The following CSMD1 variants were observed in gnomAD, a reference collection of about 807,000 sequenced individuals.
CSMD1 encodes the protein CUB and sushi domain-containing protein 1.
CSMD1 carries 213 observed loss-of-function variants against 417.5 expected under a neutral mutation model. The ratio of observed to expected loss-of-function variants is 0.51; its 90% CI spans 0.46 to 0.57. The LOEUF (loss-of-function observed/expected upper bound fraction) is 0.57. CSMD1 is among the 20% of genes least tolerant of loss of function. The pLI, the probability that CSMD1 is intolerant of heterozygous loss-of-function variation, is 0.00. For missense variants in CSMD1, 6,923 were observed against 4,529.7 expected, an observed-to-expected ratio of 1.53 and a Z score of -15.17; for synonymous variants, 2,862 against 1,736.8, an observed-to-expected ratio of 1.65 and a Z score of -16.11.
Position 4,072,445 on chromosome 8 carries a change from G to A in CSMD1, c.416-40346C>T, listed in dbSNP as rs142793468. On this transcript the variant is annotated intron_variant, in intron 3 of 69. Transcript: ENST00000635120. The stretch of plus-strand genomic sequence containing the variant: ...ATATTATTTCAATTCTTATTTCTCT[G>A]GGAGATAGACTTTATTATTTCGCAC... 6.6e-3 allele frequency among the ~76,000 whole-genome samples: 998 copies of A among 152,118 alleles called. 7 individuals are homozygous for A. Among genetic ancestry groups the A allele is most frequent in the Non-Finnish European group, 0.011 (773 of 68,004 alleles).
chr8:4,115,493 C>A (rs1802086547), intron 3 of CSMD1, among the ~76,000 whole-genome samples: 1 of 152,010 alleles, frequency 6.6e-6, no homozygotes, highest in Admixed American at 6.6e-5. Context: ...TATTTTTTTA[C>A]AACTAAAAAT....
intron 1 of CSMD1, among the ~76,000 whole-genome samples, chr8:4,725,270 G>A (rs1236945075): frequency 6.6e-6 from 1 of 152,150 alleles, no homozygotes; most frequent in Non-Finnish European, 1.5e-5. Flanking sequence ...ATTGGTACAT[G>A]AATGACCAAG....
At chr8:3,684,389 CAT>C (rs1287128424) in intron 7 of CSMD1, among the ~76,000 whole-genome samples, 4 of 146,832 alleles carry the variant, frequency 2.7e-5, no homozygotes, top group South Asian at 2.1e-4. Flanking sequence ...AAATGTATAA[CAT>C]ATAAGTACAT....
chr8:4,630,816 T>C (rs1223165678), intron 2 of CSMD1, among the ~76,000 whole-genome samples: 1 of 152,140 alleles, frequency 6.6e-6, no homozygotes, highest in Non-Finnish European at 1.5e-5. Context: ...GTCACCTCTG[T>C]GTGACAAGCT....
chr8:4,726,589 G>C (rs1364280943), intron 1 of CSMD1, among the ~76,000 whole-genome samples: 1 of 152,042 alleles, frequency 6.6e-6, no homozygotes, highest in African/African-American at 2.4e-5. Context: ...AGACGTCTAG[G>C]GCCTCCCATC....
chr8:3,389,838 T>A (rs1472733933), intron 17 of CSMD1, among the ~76,000 whole-genome samples: 1 of 152,198 alleles, frequency 6.6e-6, no homozygotes, highest in African/African-American at 2.4e-5. Context: ...AGTTCCAATA[T>A]TATGCCATAA....
chr8:4,158,274 G>A (rs931501013), intron 3 of CSMD1, among the ~76,000 whole-genome samples: 10 of 152,072 alleles, frequency 6.6e-5, no homozygotes, highest in Non-Finnish European at 1.2e-4. Flanking sequence ...ACATCGGGAA[G>A]ACTAAACAAC....
intron 7 of CSMD1, among the ~76,000 whole-genome samples, chr8:3,688,205 T>C (rs975687720): frequency 1.3e-5 from 2 of 152,226 alleles, no homozygotes; most frequent in South Asian, 2.1e-4. Flanking sequence ...TGAATACTTG[T>C]TGCATGCGTA....
chr8:3,559,607 A>T (rs1021410914), intron 10 of CSMD1, among the ~76,000 whole-genome samples: 8 of 152,192 alleles, frequency 5.3e-5, no homozygotes, highest in Non-Finnish European at 1.0e-4. Context: ...ATAAGTACCC[A>T]CAATTACAAT....
chr8:4,244,128 C>T (rs766746123), intron 3 of CSMD1, among the ~76,000 whole-genome samples: 7 of 152,124 alleles, frequency 4.6e-5, no homozygotes, highest in Non-Finnish European at 8.8e-5. Flanking sequence ...GGATGAGTTT[C>T]GCGCAGCACA....
chr8:3,287,795 T>G (rs1803269847), intron 25 of CSMD1, among the ~76,000 whole-genome samples: 1 of 151,948 alleles, frequency 6.6e-6, no homozygotes, highest in Non-Finnish European at 1.5e-5. Flanking sequence ...ACTCTTTATT[T>G]CCTCCAGCTG....
chr8:4,100,048 A>T (rs188838495), intron 3 of CSMD1, among the ~76,000 whole-genome samples: 69 of 152,284 alleles, frequency 4.5e-4, no homozygotes, highest in African/African-American at 1.6e-3. Context: ...TAATAACGTG[A>T]GCATGCACTT....
chr8:3,247,307 T>G (rs35047073), intron 26 of CSMD1, among the ~76,000 whole-genome samples: 25,928 of 152,162 alleles, frequency 0.17, 2,526 homozygotes, highest in Non-Finnish European at 0.21. Flanking sequence ...GCTGAAATTC[T>G]GCTACCTGGA....
intron 1 of CSMD1, among the ~76,000 whole-genome samples, chr8:4,657,162 A>T (rs550402844): frequency 2.8e-4 from 43 of 152,314 alleles, no homozygotes; most frequent in Middle Eastern, 3.4e-3. Flanking sequence ...AAACTCACAC[A>T]TATGCCCAGG....
At chr8:3,935,318 A>G (rs755244939) in intron 5 of CSMD1, among the ~76,000 whole-genome samples, 16 of 152,198 alleles carry the variant, frequency 1.1e-4, no homozygotes, top group African/African-American at 1.7e-4. Context: ...TGAAACACTT[A>G]TATATATTAG....
chr8:4,390,734 C>G (rs533775251), intron 3 of CSMD1, among the ~76,000 whole-genome samples: 3 of 151,696 alleles, frequency 2.0e-5, no homozygotes, highest in Non-Finnish European at 4.4e-5. Context: ...AGGATGGTCT[C>G]GATCTTCTGA....
chr8:4,739,500 A>T (rs187052981), intron 1 of CSMD1, among the ~76,000 whole-genome samples: 1 of 152,250 alleles, frequency 6.6e-6, no homozygotes, highest in East Asian at 1.9e-4. Context: ...AAGTAACAAA[A>T]CTTTTCTGTG....
rs117001624 is a variant in CSMD1 at position 4,104,025 on chromosome 8, G to A, written c.416-71926C>T. ...TGCACACCTGCACAGGCCTGTCCCT[G>A]CCCCAGCCTGGCCCTTCTGGGCATT... On this transcript the variant is annotated intron_variant, in intron 3 of 69. Transcript: ENST00000635120. Among the ~76,000 whole-genome samples, 176 of 152,282 alleles carry A rather than the reference G, an allele frequency of 1.2e-3. 1 individual carries two copies. In the East Asian group the frequency reaches 0.018, roughly 16 times the overall value.
intron 2 of CSMD1, among the ~76,000 whole-genome samples, chr8:4,447,891 T>C (rs143752325): frequency 1.7e-3 from 262 of 152,322 alleles, no homozygotes; most frequent in African/African-American, 5.9e-3. Flanking sequence ...TACAATTTTA[T>C]TGTTCGATTA....
Sources: gnomAD v4.1 joint callset for allele counts (sites outside exome capture counted in the v4.1 genomes callset) on GRCh38, gnomAD v4.1.1 for gene constraint, MANE v1.5 for transcripts, NCBI Gene and HGNC (gene_info 2026-07-23, HGNC 2026-07-21) for gene names.